Variants in ERBB4 observed in about 807,000 individuals in gnomAD.
ERBB4 encodes the protein erb-b2 receptor tyrosine kinase 4, also known as receptor tyrosine-protein kinase erbB-4.
ERBB4 carries 42 observed loss-of-function variants against 158.0 expected under a neutral mutation model. The ratio of observed to expected loss-of-function variants is 0.27; its 90% CI spans 0.21 to 0.34. The LOEUF (loss-of-function observed/expected upper bound fraction) is 0.34. Ranked by LOEUF, ERBB4 falls within the 10% of genes least tolerant of loss-of-function variation. The probability of loss-of-function intolerance (pLI) is 1.00; values close to 1 mark genes in which losing one functional copy is unlikely to be tolerated. For missense variants in ERBB4, 1,333 were observed against 1,624.1 expected (o/e 0.82, Z 3.08); for synonymous variants, 583 against 558.7 (o/e 1.04, Z -0.61).
rs78329529 is a variant in ERBB4, at chr2:212,020,210, T to C, written c.235-72594A>G. On this transcript the variant is annotated intron_variant, in intron 2 of 27. Transcript: ENST00000342788. ...GAGTTCTGATTTACTAGGAGTAAGA[T>C]TTCTTCAAAGTTCAGTAGAAGATCA... Among the ~76,000 whole-genome samples, 116 of 152,194 alleles carry C rather than the reference T, an allele frequency of 7.6e-4. No homozygotes were observed. In the East Asian group the frequency reaches 0.021, roughly 27 times the overall value.
chr2:212,360,817 A>C (rs967259652), intron 1 of ERBB4, among the ~76,000 whole-genome samples: 2 of 151,636 alleles, frequency 1.3e-5, no homozygotes, highest in African/African-American at 4.8e-5. Flanking sequence ...CTTGATGAAA[A>C]ATTCAGTGAT....
chr2:211,652,909 G>A (rs926176011), intron 16 of ERBB4, among the ~76,000 whole-genome samples: 1 of 152,042 alleles, frequency 6.6e-6, no homozygotes, highest in African/African-American at 2.4e-5. Flanking sequence ...TTGACTTATT[G>A]AGATTAACAA....
chr2:212,346,496 T>A (rs781615263), intron 1 of ERBB4, among the ~76,000 whole-genome samples: 1 of 135,132 alleles, frequency 7.4e-6, no homozygotes, highest in Non-Finnish European at 1.5e-5. Flanking sequence ...CACTAAAACA[T>A]TAAAATGTTT....
chr2:211,955,030 T>C (rs149080931), intron 2 of ERBB4, among the ~76,000 whole-genome samples: 44 of 152,102 alleles, frequency 2.9e-4, no homozygotes, highest in African/African-American at 1.0e-3. Flanking sequence ...GGACTCAAAG[T>C]CTCATTTAAT....
intron 1 of ERBB4, among the ~76,000 whole-genome samples, chr2:212,237,070 T>A (rs755026492): frequency 5.3e-5 from 8 of 152,168 alleles, no homozygotes; most frequent in Non-Finnish European, 1.0e-4. Flanking sequence ...GGGTGTTGAT[T>A]TTAGAAATCT....
chr2:211,646,175 G>A (rs2070776288), intron 16 of ERBB4, among the ~76,000 whole-genome samples: 1 of 151,574 alleles, frequency 6.6e-6, no homozygotes, highest in South Asian at 2.1e-4. Context: ...TCGTATATAT[G>A]TATTAGTATG....
intron 1 of ERBB4, among the ~76,000 whole-genome samples, chr2:212,368,534 C>T (rs1318118496): frequency 6.6e-6 from 1 of 151,950 alleles, no homozygotes; most frequent in Admixed American, 6.6e-5. Flanking sequence ...AAAGAACTTA[C>T]TCATGTAACC....
intron 1 of ERBB4, among the ~76,000 whole-genome samples, chr2:212,345,654 CT>C (rs2088963879): frequency 6.6e-6 from 1 of 152,084 alleles, no homozygotes; most frequent in Non-Finnish European, 1.5e-5. Flanking sequence ...TAGTTATTCT[CT>C]ATTAACAGCT....
At chr2:212,217,413 G>A (rs2083135667) in intron 1 of ERBB4, among the ~76,000 whole-genome samples, 1 of 151,002 alleles carries the variant, frequency 6.6e-6, no homozygotes, top group East Asian at 1.9e-4. Context: ...ATTGAGCAAG[G>A]CATTTTATAT....
At chr2:211,845,306 C>A (rs2077563132) in intron 3 of ERBB4, among the ~76,000 whole-genome samples, 1 of 151,430 alleles carries the variant, frequency 6.6e-6, no homozygotes, top group African/African-American at 2.4e-5. Flanking sequence ...AAAGCTGTTC[C>A]CTGGGTTATT....
chr2:212,531,531 C>A (rs1466716330), intron 1 of ERBB4, among the ~76,000 whole-genome samples: 1 of 152,138 alleles, frequency 6.6e-6, no homozygotes, highest in Non-Finnish European at 1.5e-5. Flanking sequence ...ATCTTAGGTC[C>A]AAGGACAGGC....
intron 3 of ERBB4, among the ~76,000 whole-genome samples, chr2:211,929,415 C>G (rs2080111931): frequency 1.3e-5 from 2 of 151,862 alleles, no homozygotes; most frequent in African/African-American, 4.8e-5. Flanking sequence ...GAAAAGAAAA[C>G]CAAAAGGGTT....
chr2:212,003,945 T>C (rs919439540), intron 2 of ERBB4, among the ~76,000 whole-genome samples: 1 of 152,178 alleles, frequency 6.6e-6, no homozygotes, highest in East Asian at 1.9e-4. Flanking sequence ...TTTGTGAAGA[T>C]TAAATGAGAT....
chr2:211,705,215 G>A, intron 10 of ERBB4, 103 bp downstream of exon 10: 1 of 820,186 alleles, frequency 1.2e-6, no homozygotes, highest in South Asian at 1.4e-5. Flanking sequence ...ACCTCCCTAA[G>A]TGCTGGGATT....
chr2:211,384,082 A>G, intron 27 of ERBB4, 22 bp from the exon 28 acceptor site: 1 of 1,560,176 alleles, frequency 6.4e-7, no homozygotes, highest in Non-Finnish European at 8.8e-7. Context: ...AAAAAATATC[A>G]GCTAACCTCT....
chr2:212,372,518 GGC>G lies in ERBB4; in HGVS notation c.82+165929_82+165930del, dbSNP rs527341665. On this transcript the variant is annotated intron_variant, in intron 1 of 27. Coordinates refer to ENST00000342788, the MANE Select transcript of ERBB4 (RefSeq NM_005235.3). ...TAATCCCAGCACTTTGGGAGGTTGA[GGC>G]GGGCGGATCACAAATTCAAGAGATC... is the stretch of plus-strand genomic sequence containing the variant. Among the ~76,000 whole-genome samples the G allele has an allele frequency of 7.2e-5, 11 of 152,170 alleles. No homozygotes were observed. The South Asian group carries it at 1.9e-3, about 26-fold the overall frequency.
chr2:212,378,721 A>C (rs751128248), intron 1 of ERBB4, among the ~76,000 whole-genome samples: 5 of 151,860 alleles, frequency 3.3e-5, no homozygotes, highest in African/African-American at 4.8e-5. Flanking sequence ...CTATTAACTC[A>C]GTATAGTGCT....
At position 211,451,295 on chromosome 2, in the gene ERBB4, T is replaced by A. The variant is rs935675866; in HGVS notation, c.2488-20195A>T. On this transcript the variant is annotated intron_variant, in intron 20 of 27. Transcript: ENST00000342788. The stretch of plus-strand genomic sequence containing the variant: ...TTGGCATTTAGGAGGTCATTAGTGA[T>A]GTTGTTGATAAAAGTTTCACTTAAG... 4.6e-5 allele frequency among the ~76,000 whole-genome samples: 7 copies of A among 152,290 alleles called. No homozygotes were observed. In the East Asian group the frequency reaches 5.8e-4, roughly 13 times the overall value.
chr2:211,495,451 T>C (rs1368646174), intron 20 of ERBB4, among the ~76,000 whole-genome samples: 2 of 152,252 alleles, frequency 1.3e-5, no homozygotes, highest in East Asian at 3.9e-4. Context: ...AAAACAACTA[T>C]TTCATTTTTC....
Sources: gnomAD v4.1 joint callset for allele counts (sites outside exome capture counted in the v4.1 genomes callset) on GRCh38, gnomAD v4.1.1 for gene constraint, MANE v1.5 for transcripts, NCBI Gene and HGNC (gene_info 2026-07-23, HGNC 2026-07-21) for gene names.